Variants in TRPC6 observed in about 807,000 individuals in gnomAD.
The protein encoded by TRPC6 is short transient receptor potential channel 6.
Under a neutral mutation model 90.7 loss-of-function variants are expected in TRPC6, and 55 were observed. That is an observed-to-expected ratio of 0.61 (90% CI 0.49 to 0.76). TRPC6 has a LOEUF of 0.76. TRPC6 is among the 30% of genes least tolerant of loss of function. The pLI is 0.00. For synonymous variants in TRPC6, 393 were observed against 393.0 expected (o/e 1.00, Z 0.00); for missense variants, 989 against 1,122.7 (o/e 0.88, Z 1.70).
intron 4 of TRPC6, among the ~76,000 whole-genome samples, chr11:101,485,916 T>A (rs1240674970): frequency 6.6e-6 from 1 of 152,102 alleles, no homozygotes; most frequent in Non-Finnish European, 1.5e-5. Flanking sequence ...AGGTGTCTGA[T>A]CTGTGTGCCT....
chr11:101,485,173 T>C (rs1217403532), intron 4 of TRPC6, among the ~76,000 whole-genome samples: 5 of 137,782 alleles, frequency 3.6e-5, no homozygotes, highest in Admixed American at 2.8e-4. Context: ...TTAAAGCCAA[T>C]AGATTCTAGA....
At chr11:101,582,802 G>T (rs1043719215) in intron 1 of TRPC6, among the ~76,000 whole-genome samples, 5 of 152,018 alleles carry the variant, frequency 3.3e-5, no homozygotes, top group Non-Finnish European at 5.9e-5. Context: ...AACTTTGGCT[G>T]TCCCACGGTC....
chr11:101,579,814 C>G (rs1002763425), intron 1 of TRPC6, among the ~76,000 whole-genome samples: 3 of 152,086 alleles, frequency 2.0e-5, no homozygotes, highest in African/African-American at 7.2e-5. Flanking sequence ...ATCTCAGTTC[C>G]AGCTCTCTGC....
intron 3 of TRPC6, 87 bp downstream of exon 3, chr11:101,491,469 G>A (rs1859808356): frequency 5.9e-6 from 9 of 1,514,550 alleles, no homozygotes; most frequent in Non-Finnish European, 8.1e-6. Context: ...GAAAATCCCA[G>A]CTTAATCTAA....
intron 10 of TRPC6, among the ~76,000 whole-genome samples, chr11:101,459,197 T>C (rs1858948916): frequency 6.6e-6 from 1 of 152,156 alleles, no homozygotes; most frequent in Non-Finnish European, 1.5e-5. Flanking sequence ...AAGACTGAGT[T>C]GGAAGTATGA....
chr11:101,496,085 A>G (rs964336417), intron 2 of TRPC6, among the ~76,000 whole-genome samples: 4 of 152,126 alleles, frequency 2.6e-5, no homozygotes, highest in Middle Eastern at 3.4e-3. Flanking sequence ...AGCAGGAGAG[A>G]GAGAGAGAGA....
intron 1 of TRPC6, among the ~76,000 whole-genome samples, chr11:101,555,757 G>A (rs988111773): frequency 2.0e-5 from 3 of 152,022 alleles, no homozygotes; most frequent in Non-Finnish European, 2.9e-5. Context: ...CTGTAGTCAG[G>A]AACAGAAAAT....
intron 1 of TRPC6, among the ~76,000 whole-genome samples, chr11:101,576,442 T>C (rs1862071874): frequency 6.6e-6 from 1 of 152,222 alleles, no homozygotes; most frequent in Non-Finnish European, 1.5e-5. Context: ...TAACACTCAT[T>C]TCTGTATTCT....
intron 10 of TRPC6, among the ~76,000 whole-genome samples, chr11:101,463,028 A>G (rs1859043504): frequency 1.3e-5 from 2 of 152,064 alleles, no homozygotes; most frequent in Non-Finnish European, 2.9e-5. Flanking sequence ...AGCACTATTG[A>G]GTTTTGTTGA....
At chr11:101,530,400 T>C (rs1230311316) in intron 1 of TRPC6, among the ~76,000 whole-genome samples, 6 of 152,014 alleles carry the variant, frequency 3.9e-5, no homozygotes, top group Admixed American at 3.9e-4. Flanking sequence ...GTTCTGCCTG[T>C]CCAGGAACCT....
intron 4 of TRPC6, among the ~76,000 whole-genome samples, chr11:101,487,100 G>GT (rs751382670): frequency 1.3e-5 from 2 of 152,120 alleles, no homozygotes; most frequent in African/African-American, 2.4e-5. Context: ...TAAGAAATGT[G>GT]TAACTCTAAG....
chr11:101,503,586 C>G (rs1193204842), intron 2 of TRPC6, among the ~76,000 whole-genome samples: 1 of 152,120 alleles, frequency 6.6e-6, no homozygotes, highest in Non-Finnish European at 1.5e-5. Flanking sequence ...TCTTTCTGAC[C>G]TCAACAGCAT....
chr11:101,491,794 G>A (rs1042933067), intron 2 of TRPC6, 56 bp from the exon 3 acceptor site: 10 of 1,421,592 alleles, frequency 7.0e-6, no homozygotes, highest in Non-Finnish European at 9.7e-6. Context: ...GTTTTACTAT[G>A]CTTCAGAGAC....
rs182426428 is a variant in TRPC6, at chr11:101,502,782, C to G, written c.945+1242G>C. Among the ~76,000 whole-genome samples the G allele has an allele frequency of 2.4e-4, 36 of 152,204 alleles. No homozygotes were observed. In the East Asian group the frequency reaches 6.2e-3, roughly 26 times the overall value. On this transcript the variant is annotated intron_variant, in intron 2 of 12. Coordinates refer to ENST00000344327, the MANE Select transcript of TRPC6 (RefSeq NM_004621.6). ...CCTTGGGAGCCAAGCACATACTGAGCGTTTCAGTAACCATTTTCCTCCTTC... is the reference window on the plus strand; with the variant it reads ...CCTTGGGAGCCAAGCACATACTGAGGGTTTCAGTAACCATTTTCCTCCTTC...
In TRPC6 at chr11:101,477,125, C is replaced by A. The variant is rs151330308; in HGVS notation, c.1511-591G>T. On this transcript the variant is annotated intron_variant, in intron 5 of 12. Coordinates refer to ENST00000344327, the MANE Select transcript of TRPC6 (RefSeq NM_004621.6). ...GGGAGACATGGGACTCTTCTGATGG[C>A]TGACTTTGGCTCAAGGATTTCATGA... Among the ~76,000 whole-genome samples, 22 of 151,588 alleles carry A rather than the reference C, an allele frequency of 1.5e-4. No homozygotes were observed. In the East Asian group the frequency reaches 4.3e-3, roughly 29 times the overall value.
At chr11:101,486,893 A>G (rs1444217242) in intron 4 of TRPC6, among the ~76,000 whole-genome samples, 1 of 152,188 alleles carries the variant, frequency 6.6e-6, no homozygotes, top group Non-Finnish European at 1.5e-5. Flanking sequence ...AATAGATTTT[A>G]TCATCATGCT....
At chr11:101,561,099 G>C (rs1368543062) in intron 1 of TRPC6, among the ~76,000 whole-genome samples, 3 of 72,388 alleles carry the variant, frequency 4.1e-5, no homozygotes, top group Non-Finnish European at 5.3e-5. Flanking sequence ...ACAATGATCA[G>C]ATTGAGTTTG....
chr11:101,455,367 C>G (rs1287048975), intron 10 of TRPC6: 2 of 377,094 alleles, frequency 5.3e-6, no homozygotes, highest in African/African-American at 4.2e-5. Context: ...ATGAGAATCA[C>G]GCGTTAACCT....
At chr11:101,467,860 C>T (rs866431169) in intron 10 of TRPC6, among the ~76,000 whole-genome samples, 2 of 152,188 alleles carry the variant, frequency 1.3e-5, no homozygotes, top group Admixed American at 1.3e-4. Context: ...GACCCCCATA[C>T]ACTAGCCTCC....
Sources: gnomAD v4.1 joint callset for allele counts (sites outside exome capture counted in the v4.1 genomes callset) on GRCh38, gnomAD v4.1.1 for gene constraint, MANE v1.5 for transcripts, NCBI Gene and HGNC (gene_info 2026-07-23, HGNC 2026-07-21) for gene names.